Variants in VTI1A observed in about 807,000 individuals in gnomAD.
The protein encoded by VTI1A is vesicle transport through interaction with t-SNAREs homolog 1A.
VTI1A carries 22 observed loss-of-function variants against 34.9 expected under a neutral mutation model. The observed-to-expected ratio is 0.63, with a 90% CI of 0.45 to 0.90. The LOEUF is 0.90. Ranked by LOEUF, VTI1A falls within the 40% of genes least tolerant of loss-of-function variation. VTI1A has a pLI of 0.00. For synonymous variants in VTI1A, 87 were observed against 97.3 expected (o/e 0.89, Z 0.62); for missense variants, 268 against 275.6 (o/e 0.97, Z 0.20).
chr10:112,660,684 T>TTTATTTTA (rs1389792558), intron 5 of VTI1A, among the ~76,000 whole-genome samples: 1 of 152,196 alleles, frequency 6.6e-6, no homozygotes, highest in Non-Finnish European at 1.5e-5. Context: ...AAAGTCTTAT[T>TTTATTTTA]TTATTTTATT....
At chr10:112,756,335 G>A (rs1286743890) in intron 7 of VTI1A, among the ~76,000 whole-genome samples, 3 of 152,120 alleles carry the variant, frequency 2.0e-5, no homozygotes, top group Non-Finnish European at 4.4e-5. Context: ...AAAGATCCCG[G>A]GCTACCTAGT....
chr10:112,457,149 T>C (rs909146215), intron 1 of VTI1A, among the ~76,000 whole-genome samples: 4 of 151,540 alleles, frequency 2.6e-5, no homozygotes, highest in Non-Finnish European at 5.9e-5. Flanking sequence ...GGAAATAAAG[T>C]TGGAAAGGAT....
intron 5 of VTI1A, among the ~76,000 whole-genome samples, chr10:112,567,299 G>A (rs988064521): frequency 6.6e-6 from 1 of 152,140 alleles, no homozygotes; most frequent in African/African-American, 2.4e-5. Context: ...AAAGTGCTGG[G>A]ATTACAGGTG....
chr10:112,745,114 A>C (rs1176458140), intron 7 of VTI1A, among the ~76,000 whole-genome samples: 1 of 152,144 alleles, frequency 6.6e-6, no homozygotes, highest in Non-Finnish European at 1.5e-5. Flanking sequence ...TTTTTTCCCT[A>C]TGTTTTTTGG....
At chr10:112,681,281 A>G (rs1243519647) in intron 7 of VTI1A, among the ~76,000 whole-genome samples, 1 of 151,940 alleles carries the variant, frequency 6.6e-6, no homozygotes, top group Non-Finnish European at 1.5e-5. Flanking sequence ...GGATCTCCTT[A>G]TATTGCCAAG....
At chr10:112,757,937 T>C (rs1462811370) in intron 7 of VTI1A, among the ~76,000 whole-genome samples, 3 of 152,366 alleles carry the variant, frequency 2.0e-5, no homozygotes, top group African/African-American at 7.2e-5. Flanking sequence ...TATAAACTAT[T>C]GTTTAGGAGG....
intron 7 of VTI1A, among the ~76,000 whole-genome samples, chr10:112,814,163 G>GGT (rs1214930485): frequency 6.6e-6 from 1 of 152,196 alleles, no homozygotes. Context: ...ACAAAGTAGG[G>GGT]GTGTGGGGTC....
chr10:112,525,202 A>G (rs1850179013), intron 3 of VTI1A, among the ~76,000 whole-genome samples: 2 of 152,156 alleles, frequency 1.3e-5, no homozygotes, highest in Non-Finnish European at 2.9e-5. Flanking sequence ...TACTGACTTC[A>G]TGCTGAGGAC....
chr10:112,741,711 A>G (rs1042928571), intron 7 of VTI1A, among the ~76,000 whole-genome samples: 2 of 152,222 alleles, frequency 1.3e-5, no homozygotes, highest in African/African-American at 2.4e-5. Context: ...TAAAATTAGG[A>G]TATCTTCAAA....
chr10:112,736,775 A>G (rs777766626), intron 7 of VTI1A: 7 of 1,527,544 alleles, frequency 4.6e-6, no homozygotes, highest in Non-Finnish European at 6.2e-6. Context: ...AAAGGCTTGA[A>G]CCAGAACCAG....
rs992049874 is a variant in VTI1A at position 112,527,187 on chromosome 10, C to T, written c.342+23C>T. On this transcript the variant is annotated intron_variant, in intron 4 of 7. Coordinates refer to ENST00000393077, the MANE Select transcript of VTI1A (RefSeq NM_145206.4). ...CAGGTAGAATGCTAATCAGGAAGGCCCGGTGGGTGGCTGGAGGGTGAAGGA... is the reference window on the plus strand; with the variant it reads ...CAGGTAGAATGCTAATCAGGAAGGCTCGGTGGGTGGCTGGAGGGTGAAGGA... 8 of 1,610,204 alleles carry T rather than the reference C, an allele frequency of 5.0e-6. No individual in the cohort carries two copies. The African/African-American group carries it at 1.1e-4, about 22-fold the overall frequency.
chr10:112,617,948 G>A (rs548315708), intron 5 of VTI1A, among the ~76,000 whole-genome samples: 50 of 152,212 alleles, frequency 3.3e-4, no homozygotes, highest in Admixed American at 5.2e-4. Context: ...GAGGTCAGCG[G>A]TTCGAGACCA....
rs752617051 is a variant in VTI1A at position 112,817,031 on chromosome 10, C to G, written c.*1648C>G. On this transcript the variant is annotated 3_prime_UTR_variant, in exon 8 of 8. Coordinates refer to ENST00000393077, the MANE Select transcript of VTI1A (RefSeq NM_145206.4). ...GACAGAGAAGGAGCAGGAAGCTATG[C>G]TAATTTTCCTGTCAGCTTAAGGGAT... is the stretch of plus-strand genomic sequence containing the variant. 14 of 232,234 alleles carry G rather than the reference C, an allele frequency of 6.0e-5. No individual in the cohort carries two copies. Among genetic ancestry groups the G allele is most frequent in the Non-Finnish European group, 1.1e-4 (13 of 117,508 alleles). The allele number at this position is 232,234 out of a possible 1,614,324, so 14.4% of individuals were successfully genotyped here.
At chr10:112,629,019 T>A (rs1172760013) in intron 5 of VTI1A, among the ~76,000 whole-genome samples, 1 of 152,220 alleles carries the variant, frequency 6.6e-6, no homozygotes, top group Non-Finnish European at 1.5e-5. Context: ...CATCTTTCTA[T>A]TACTGGTTAC....
chr10:112,528,717 G>A (rs1278793271), intron 4 of VTI1A, among the ~76,000 whole-genome samples: 3 of 152,028 alleles, frequency 2.0e-5, no homozygotes, highest in Admixed American at 6.6e-5. Flanking sequence ...AAGTGAATGC[G>A]TAGTTCCCAT....
chr10:112,804,966 T>C (rs952385800), intron 7 of VTI1A, among the ~76,000 whole-genome samples: 30 of 138,914 alleles, frequency 2.2e-4, no homozygotes, highest in Non-Finnish European at 4.0e-4. Context: ...GCTTAAGCAA[T>C]CCTCCCGTCT....
At chr10:112,571,380 TAAAAG>T (rs1177292911) in intron 5 of VTI1A, among the ~76,000 whole-genome samples, 5 of 152,130 alleles carry the variant, frequency 3.3e-5, no homozygotes, top group Non-Finnish European at 7.4e-5. Context: ...TGGGATGCCT[TAAAAG>T]AAAAAACTCA....
intron 5 of VTI1A, among the ~76,000 whole-genome samples, chr10:112,596,176 G>A (rs534582118): frequency 6.6e-6 from 1 of 151,530 alleles, no homozygotes; most frequent in Non-Finnish European, 1.5e-5. Context: ...GTGGAGTGAG[G>A]GGGGAGGGAT....
At chr10:112,783,566 T>C (rs1239752990) in intron 7 of VTI1A, among the ~76,000 whole-genome samples, 1 of 152,280 alleles carries the variant, frequency 6.6e-6, no homozygotes, top group Non-Finnish European at 1.5e-5. Flanking sequence ...TAAAAATTTA[T>C]GCATTGCATA....
Sources: allele counts gnomAD v4.1 joint callset (sites outside exome capture counted in the v4.1 genomes callset), GRCh38; gene constraint gnomAD v4.1.1; transcripts MANE v1.5; gene names NCBI Gene and HGNC (gene_info 2026-07-23, HGNC 2026-07-21).